DNAJC12: variants seen among roughly 807,000 people sequenced by gnomAD.
The protein encoded by DNAJC12 is DnaJ heat shock protein family (Hsp40) member C12.
A neutral mutation model predicts 28.5 loss-of-function variants in DNAJC12; 25 were observed. That is an observed-to-expected ratio of 0.88 (90% CI 0.64 to 1.22). The LOEUF is 1.22. Among genes scored for constraint, DNAJC12 ranks in the 50% most tolerant of loss-of-function variants. DNAJC12 has a pLI of 0.00. For synonymous variants in DNAJC12, 77 were observed against 80.6 expected, an observed-to-expected ratio of 0.95 and a Z score of 0.24; for missense variants, 222 against 231.7, an observed-to-expected ratio of 0.96 and a Z score of 0.27.
intron 2 of DNAJC12, among the ~76,000 whole-genome samples, chr10:67,821,027 C>G (rs576380098): frequency 6.6e-6 from 1 of 151,774 alleles, no homozygotes; most frequent in African/African-American, 2.4e-5. Context: ...AGGTGGTCCA[C>G]CCACCTTGGC....
intron 1 of DNAJC12, among the ~76,000 whole-genome samples, chr10:67,827,106 G>T (rs1364803796): frequency 6.6e-6 from 1 of 151,668 alleles, no homozygotes; most frequent in African/African-American, 2.4e-5. Context: ...AACATTCTGG[G>T]CTGGGTGCGG....
intron 2 of DNAJC12, among the ~76,000 whole-genome samples, chr10:67,821,355 A>G (rs1179719324): frequency 6.6e-6 from 1 of 152,076 alleles, no homozygotes; most frequent in Non-Finnish European, 1.5e-5. Flanking sequence ...TGTCTCTACT[A>G]AAAATACAAA....
intron 4 of DNAJC12, among the ~76,000 whole-genome samples, chr10:67,800,044 A>G (rs1020180903): frequency 1.1e-4 from 16 of 151,872 alleles, no homozygotes; most frequent in African/African-American, 3.4e-4. Context: ...CAGCCTGGGC[A>G]ACATGGCGAA....
intron 3 of DNAJC12, chr10:67,811,228 T>C: frequency 9.5e-7 from 1 of 1,051,358 alleles, no homozygotes; most frequent in Non-Finnish European, 1.2e-6. Context: ...ACTTGAGAAG[T>C]ACATTTATTA....
chr10:67,798,149 T>C (rs954621456), intron 4 of DNAJC12, among the ~76,000 whole-genome samples: 3 of 152,116 alleles, frequency 2.0e-5, no homozygotes, highest in African/African-American at 7.2e-5. Flanking sequence ...TCTAAGGATG[T>C]TTATAATGAT....
intron 4 of DNAJC12, among the ~76,000 whole-genome samples, chr10:67,801,074 T>C (rs1269721343): frequency 2.6e-5 from 4 of 152,228 alleles, no homozygotes; most frequent in African/African-American, 9.6e-5. Flanking sequence ...TGAGATTGTC[T>C]CGCACAGTGG....
At chr10:67,813,075 T>G (rs951665266) in intron 2 of DNAJC12, among the ~76,000 whole-genome samples, 1 of 151,730 alleles carries the variant, frequency 6.6e-6, no homozygotes, top group African/African-American at 2.4e-5. Flanking sequence ...AAAATGATAG[T>G]ATTAGGAGAT....
At chr10:67,832,839 C>T (rs1842107022) in intron 1 of DNAJC12, among the ~76,000 whole-genome samples, 1 of 152,148 alleles carries the variant, frequency 6.6e-6, no homozygotes, top group Non-Finnish European at 1.5e-5. Flanking sequence ...TAGCAGAAGA[C>T]ACCTGACAGA....
chr10:67,834,428 G>A (rs1842123511), intron 1 of DNAJC12, among the ~76,000 whole-genome samples: 1 of 152,166 alleles, frequency 6.6e-6, no homozygotes, highest in South Asian at 2.1e-4. Context: ...CCACAACTTA[G>A]CGCTCTGCAC....
intron 1 of DNAJC12, chr10:67,833,749 G>A (rs1007063858): frequency 7.5e-5 from 34 of 452,708 alleles, no homozygotes; most frequent in African/African-American, 6.7e-4. Context: ...AGGCAAGGGA[G>A]CCCAGCTATA....
intron 2 of DNAJC12, among the ~76,000 whole-genome samples, chr10:67,822,712 G>A (rs1316123500): frequency 6.6e-6 from 1 of 152,026 alleles, no homozygotes; most frequent in African/African-American, 2.4e-5. Context: ...GAAGACAACC[G>A]CCTAGCCGGG....
At position 67,796,779 on chromosome 10, in the gene DNAJC12, G is replaced by C. The variant is rs79567380; in HGVS notation, c.*337C>G. ...ATTTTTTGTACATCCATCACTAATA[G>C]AGATCACAGTATGTCAATGAAATAT... On this transcript the variant is annotated 3_prime_UTR_variant, in exon 5 of 5. Coordinates refer to ENST00000225171, the MANE Select transcript of DNAJC12 (RefSeq NM_021800.3). The C allele has an allele frequency of 1.0e-3, 167 of 166,516 alleles. No individual in the cohort carries two copies. Among genetic ancestry groups the C allele is most frequent in the African/African-American group, 3.6e-3 (154 of 42,198 alleles). The allele number at this position is 166,516 out of a possible 1,614,324, so 10.3% of individuals were successfully genotyped here.
At chr10:67,815,927 G>A (rs1324001044) in intron 2 of DNAJC12, 1 of 395,520 alleles carries the variant, frequency 2.5e-6, no homozygotes, top group East Asian at 3.6e-5. Context: ...CCTATAATGT[G>A]ACCTTTCTCT....
Position 67,797,033 on chromosome 10 carries a change from A to C in DNAJC12, c.*83T>G. On this transcript the variant is annotated 3_prime_UTR_variant, in exon 5 of 5. Transcript: ENST00000225171. ...TTCACAGACATGACATAAACATGAC[A>C]TTTTTAAGACATAAACAAAGACTGC... 1 of 1,066,904 alleles carries C rather than the reference A, an allele frequency of 9.4e-7. No individual in the cohort carries two copies. The highest frequency in any genetic ancestry group is 1.4e-6 in the Non-Finnish European group (1 of 731,256). The allele number at this position is 1,066,904 out of a possible 1,614,324, so 66.1% of individuals were successfully genotyped here. A position where few individuals can be genotyped will look rare whatever the true frequency, so the allele number is the denominator to read the frequency against.
chr10:67,833,758 T>C (rs577476847), intron 1 of DNAJC12: 4 of 465,542 alleles, frequency 8.6e-6, no homozygotes, highest in South Asian at 6.3e-5. Context: ...AGCCCAGCTA[T>C]AGCCATGGCC....
chr10:67,823,174 T>G (rs987886786), intron 2 of DNAJC12, 140 bp downstream of exon 2: 10 of 674,340 alleles, frequency 1.5e-5, no homozygotes, highest in African/African-American at 1.1e-4. Context: ...TCTCCCTTTC[T>G]ATCATCCAAT....
chr10:67,838,022 T>A lies in DNAJC12; in HGVS notation c.-11A>T. ...CAGTATTGCATCCATTTAGATGACTTAATCAGTCCTTCTTCCCTCGGAAAC... is the reference window on the plus strand; with the variant it reads ...CAGTATTGCATCCATTTAGATGACTAAATCAGTCCTTCTTCCCTCGGAAAC... On this transcript the variant is annotated 5_prime_UTR_variant, in exon 1 of 5. Transcript: ENST00000225171. 6.3e-7 allele frequency: 1 copy of A among 1,580,074 alleles called. No individual in the cohort carries two copies. Among genetic ancestry groups the A allele is most frequent in the Non-Finnish European group, 8.7e-7 (1 of 1,155,284 alleles).
rs1841793248 is a variant in DNAJC12, at chr10:67,805,686, T to G, written c.399A>C (p.Arg133Ser). ...KMENEECNEQ[R>S]ERKKEELAST... The stretch of plus-strand genomic sequence containing the variant: ...AAGCCAGCTCCTCTTTCTTTCTTTC[T>G]CTTTGCTCATTACATTCCTCATTTT... The change falls in exon 4 of 5, where the codon AGA (arginine) becomes AGC (serine). Residue 133 changes from arginine (R) to serine (S), a missense_variant. By Grantham distance (110) the Arg-to-Ser change is moderately radical. Coordinates refer to ENST00000225171, the MANE Select transcript of DNAJC12 (RefSeq NM_021800.3). 4 of 1,613,772 alleles carry G rather than the reference T, an allele frequency of 2.5e-6. No homozygotes were observed. The highest frequency in any genetic ancestry group is 1.6e-4 in the Middle Eastern group (1 of 6,082).
intron 1 of DNAJC12, among the ~76,000 whole-genome samples, chr10:67,823,786 C>A (rs1322109633): frequency 6.6e-6 from 1 of 152,022 alleles, no homozygotes; most frequent in Non-Finnish European, 1.5e-5. Context: ...ATCAACCCAA[C>A]TTTTTTTGAT....
Sources: gnomAD v4.1 joint callset for allele counts (sites outside exome capture counted in the v4.1 genomes callset) on GRCh38, gnomAD v4.1.1 for gene constraint, MANE v1.5 for transcripts, NCBI Gene and HGNC (gene_info 2026-07-23, HGNC 2026-07-21) for gene names.